STXBP5: variants seen among roughly 807,000 people sequenced by gnomAD.
STXBP5 encodes the protein syntaxin binding protein 5, also known as syntaxin-binding protein 5.
Under a neutral mutation model 152.4 loss-of-function variants are expected in STXBP5, and 50 were observed. That is an observed-to-expected ratio of 0.33 (90% confidence interval 0.26 to 0.42). The LOEUF (loss-of-function observed/expected upper bound fraction) is 0.42, where lower values mean the gene tolerates loss of function less well. Among genes scored for constraint, STXBP5 ranks in the 10% least tolerant of loss-of-function variants. The pLI is 1.00. For missense variants in STXBP5, 1,167 were observed against 1,388.6 expected, an observed-to-expected ratio of 0.84 and a Z score of 2.54; for synonymous variants, 492 against 494.7, an observed-to-expected ratio of 0.99 and a Z score of 0.07.
intron 27 of STXBP5, among the ~76,000 whole-genome samples, chr6:147,383,690 C>T (rs548989078): frequency 2.3e-4 from 35 of 152,186 alleles, no homozygotes; most frequent in African/African-American, 6.5e-4. Flanking sequence ...TAGGCTGGCC[C>T]TGGAGGACAT....
intron 16 of STXBP5, among the ~76,000 whole-genome samples, chr6:147,318,527 G>T (rs117565864): frequency 0.018 from 2,798 of 152,206 alleles, 38 homozygotes; most frequent in Middle Eastern, 0.027. Flanking sequence ...TGAGATTATG[G>T]TATGGCCATC....
chr6:147,282,492 G>C (rs1466640200), intron 8 of STXBP5, among the ~76,000 whole-genome samples: 1 of 152,168 alleles, frequency 6.6e-6, no homozygotes, highest in South Asian at 2.1e-4. Flanking sequence ...AAAATGGCAA[G>C]ATTGAACAGG....
chr6:147,248,052 G>A (rs1380636930), intron 4 of STXBP5, among the ~76,000 whole-genome samples: 1 of 152,132 alleles, frequency 6.6e-6, no homozygotes, highest in Non-Finnish European at 1.5e-5. Flanking sequence ...GGCCAAGGTG[G>A]GCAGATCACC....
intron 2 of STXBP5, among the ~76,000 whole-genome samples, chr6:147,211,080 A>C (rs979676220): frequency 6.6e-6 from 1 of 152,078 alleles, no homozygotes; most frequent in African/African-American, 2.4e-5. Context: ...TGGGAGGCCA[A>C]GGCAGGCGGT....
chr6:147,256,474 C>T (rs1779371415), intron 4 of STXBP5, among the ~76,000 whole-genome samples: 1 of 152,170 alleles, frequency 6.6e-6, no homozygotes, highest in African/African-American at 2.4e-5. Flanking sequence ...ATCCTGCACA[C>T]TGTGTATCTC....
At chr6:147,293,157 A>G (rs1187465954) in intron 9 of STXBP5, 1 of 152,196 alleles carries the variant, frequency 6.6e-6, no homozygotes, top group Admixed American at 6.5e-5. Context: ...CTAGATATGT[A>G]GTATATCATC....
intron 2 of STXBP5, among the ~76,000 whole-genome samples, chr6:147,219,362 A>G (rs1462326103): frequency 1.3e-5 from 2 of 152,088 alleles, no homozygotes; most frequent in Admixed American, 1.3e-4. Context: ...TCTTCATGAG[A>G]AGGATTGATC....
At chr6:147,282,738 G>A (rs1780761063) in intron 8 of STXBP5, among the ~76,000 whole-genome samples, 2 of 152,138 alleles carry the variant, frequency 1.3e-5, no homozygotes, top group South Asian at 4.2e-4. Context: ...TTACCCTGAA[G>A]CACTCATCTT....
Position 147,204,480 on chromosome 6 carries a change from C to CG in STXBP5, c.-49dup, listed in dbSNP as rs1171398974. Reference sequence around the variant, plus strand: ...TCGGCCCCGGGTGGTCTCCCCCGCCCGGGGACCCCCTGTGCCTCCCCTCCC... The same window carrying CG: ...TCGGCCCCGGGTGGTCTCCCCCGCCCGGGGGACCCCCTGTGCCTCCCCTCCC... On this transcript the variant is annotated 5_prime_UTR_variant, in exon 1 of 28. Coordinates refer to ENST00000321680, the MANE Select transcript of STXBP5 (RefSeq NM_001127715.4). This position sits in a 1 kb window ranked among gnomAD's most constrained non-coding sequence, Gnocchi z 4.3. 2 of 1,588,140 alleles carry CG rather than the reference C, an allele frequency of 1.3e-6. No homozygotes were observed. The highest frequency in any genetic ancestry group is 2.7e-5 in the African/African-American group (2 of 73,898).
In STXBP5 at chr6:147,334,191, T is replaced by A. The variant is rs1257106697; in HGVS notation, c.2115T>A (p.Val705=). 1.2e-6 allele frequency: 2 copies of A among 1,612,650 alleles called. No homozygotes were observed. Among genetic ancestry groups the A allele is most frequent in the African/African-American group, 2.7e-5 (2 of 74,898 alleles). ...GLCDISEGTV[V]PEDRCKSPTS... ...GTGATATTAGTGAAGGGACTGTTGTTCCAGAGGATCGCTGCAAATCTCCAA... is the reference window on the plus strand; with the variant it reads ...GTGATATTAGTGAAGGGACTGTTGTACCAGAGGATCGCTGCAAATCTCCAA... The change falls in exon 19 of 28, where the codon GTT becomes GTA. Residue 705 remains valine, a synonymous_variant. Coordinates refer to ENST00000321680, the MANE Select transcript of STXBP5 (RefSeq NM_001127715.4).
chr6:147,325,930 T>C (rs1038516760), intron 17 of STXBP5, among the ~76,000 whole-genome samples: 3 of 152,180 alleles, frequency 2.0e-5, no homozygotes, highest in Admixed American at 1.3e-4. Context: ...AAATACAATA[T>C]AAAAACTATA....
intron 2 of STXBP5, among the ~76,000 whole-genome samples, chr6:147,225,472 A>G (rs990812240): frequency 6.6e-6 from 1 of 152,232 alleles, no homozygotes; most frequent in Non-Finnish European, 1.5e-5. Context: ...AGAGATTAGA[A>G]TAATATCATT....
chr6:147,339,936 G>T (rs987496871), intron 21 of STXBP5, among the ~76,000 whole-genome samples: 1 of 152,012 alleles, frequency 6.6e-6, no homozygotes. Flanking sequence ...ATGTTGAGAT[G>T]AATTGCTCAG....
chr6:147,279,626 T>C (rs1451107345), intron 8 of STXBP5, among the ~76,000 whole-genome samples: 2 of 152,160 alleles, frequency 1.3e-5, no homozygotes, highest in Non-Finnish European at 2.9e-5. Context: ...AGCAATCATC[T>C]TCTGGGAAAG....
intron 2 of STXBP5, among the ~76,000 whole-genome samples, chr6:147,219,135 C>G (rs1308950239): frequency 6.6e-6 from 1 of 152,112 alleles, no homozygotes; most frequent in Non-Finnish European, 1.5e-5. Context: ...TCGTAGTTTA[C>G]CGACAGTGTT....
intron 3 of STXBP5, among the ~76,000 whole-genome samples, chr6:147,237,320 T>C (rs1204361296): frequency 6.6e-6 from 1 of 152,132 alleles, no homozygotes; most frequent in Non-Finnish European, 1.5e-5. Flanking sequence ...GATAGGGTTT[T>C]TTTTGTTTTA....
chr6:147,223,530 GT>G (rs1582805870), intron 2 of STXBP5, among the ~76,000 whole-genome samples: 2 of 152,248 alleles, frequency 1.3e-5, no homozygotes, highest in East Asian at 3.9e-4. Flanking sequence ...TAGATTATAT[GT>G]ATATAAATAG....
At chr6:147,236,745 C>T (rs1778292277) in intron 3 of STXBP5, among the ~76,000 whole-genome samples, 1 of 151,774 alleles carries the variant, frequency 6.6e-6, no homozygotes, top group Admixed American at 6.6e-5. Context: ...TCCTGCTCAC[C>T]CTCAGTCCCT....
At chr6:147,262,424 C>T (rs1779687616) in intron 6 of STXBP5, 71 bp downstream of exon 6, 1 of 875,744 alleles carries the variant, frequency 1.1e-6, no homozygotes, top group African/African-American at 1.7e-5. Context: ...CATGCTATTT[C>T]AGGATCACAC....
Sources: gnomAD v4.1 joint callset for allele counts (sites outside exome capture counted in the v4.1 genomes callset) on GRCh38, gnomAD v4.1.1 for gene constraint, Gnocchi (gnomAD v3.1) non-coding constraint, MANE v1.5 for transcripts, NCBI Gene and HGNC (gene_info 2026-07-23, HGNC 2026-07-21) for gene names.